The following ZNF69 variants were observed in gnomAD, a reference collection of about 807,000 sequenced individuals.
The protein encoded by ZNF69 is zinc finger protein 69, also known as ZNF3.
ZNF69 carries 47 observed loss-of-function variants against 50.9 expected under a neutral mutation model. The observed-to-expected ratio is 0.92, with a 90% CI of 0.73 to 1.18. The LOEUF (loss-of-function observed/expected upper bound fraction) is 1.18, where lower values mean the gene tolerates loss of function less well. Ranked by LOEUF, ZNF69 falls within the 50% of genes most tolerant of loss-of-function variation. The probability of loss-of-function intolerance (pLI) is 0.00; values close to 1 mark genes in which losing one functional copy is unlikely to be tolerated. For missense variants in ZNF69, 717 were observed against 675.1 expected (o/e 1.06, Z -0.69); for synonymous variants, 216 against 223.1 (o/e 0.97, Z 0.29).
chr19:11,977,088 G>A, the ZNF69 span: 4 of 1,614,106 alleles, frequency 2.5e-6, no homozygotes, highest in South Asian at 4.4e-5. Context: ...AGGAGGAGTG[G>A]GCTTTGCTGG....
At chr19:11,900,357 CTT>C (rs933407423) in intron 1 of ZNF69, among the ~76,000 whole-genome samples, 7 of 142,214 alleles carry the variant, frequency 4.9e-5, no homozygotes, top group Non-Finnish European at 7.7e-5. Context: ...AAAGATTGGG[CTT>C]TTTTTTTTTT....
chr19:11,973,335 A>C, the ZNF69 span, among the ~76,000 whole-genome samples: 23 of 152,318 alleles, frequency 1.5e-4, no homozygotes, highest in Non-Finnish European at 2.5e-4. Context: ...ATGTAAAAAT[A>C]TGCCTTGAAG....
the ZNF69 span, among the ~76,000 whole-genome samples, chr19:11,951,150 C>CAAAAA: frequency 1.5e-5 from 1 of 65,070 alleles, no homozygotes. Context: ...ACTCCATCTC[C>CAAAAA]AAAAAAAAAA....
At chr19:11,947,514 G>GA in the ZNF69 span, 4 of 1,610,214 alleles carry the variant, frequency 2.5e-6, no homozygotes, top group South Asian at 2.2e-5. Flanking sequence ...TGTATTTTAG[G>GA]AAAAAAATGG....
downstream of ZNF69, among the ~76,000 whole-genome samples, chr19:11,917,130 G>A (rs1254064262): frequency 2.0e-5 from 3 of 152,328 alleles, no homozygotes; most frequent in Admixed American, 6.5e-5. Context: ...AAGTGGGGCT[G>A]TGTTGGGTGA....
chr19:11,978,326 C>T, the ZNF69 span: 66 of 1,613,952 alleles, frequency 4.1e-5, no homozygotes, highest in East Asian at 8.9e-5. Flanking sequence ...ACAAGGCATA[C>T]GAGTATCAGG....
chr19:11,927,627 A>G, the ZNF69 span, among the ~76,000 whole-genome samples: 2 of 152,160 alleles, frequency 1.3e-5, no homozygotes, highest in Non-Finnish European at 2.9e-5. Flanking sequence ...CAGCATCACA[A>G]AATTTATTAC....
chr19:11,923,917 G>A, the ZNF69 span, among the ~76,000 whole-genome samples: 3 of 152,134 alleles, frequency 2.0e-5, no homozygotes, highest in Non-Finnish European at 4.4e-5. Flanking sequence ...TTCGCGGGCA[G>A]CCCACCCCCT....
chr19:11,948,889 A>G, the ZNF69 span: 2 of 1,600,812 alleles, frequency 1.2e-6, no homozygotes, highest in Non-Finnish European at 1.7e-6. Flanking sequence ...AGCATTTCAT[A>G]GTTCTAGTTC....
chr19:11,905,490 T>G lies in ZNF69; in HGVS notation c.1093T>G (p.Cys365Gly). The change falls in exon 4 of 4, where the codon TGT (cysteine) becomes GGT (glycine). Residue 365 changes from cysteine to glycine, a missense_variant. By Grantham distance (159) the Cys-to-Gly change is radical (BLOSUM62 -3). Coordinates refer to ENST00000429654, the MANE Select transcript of ZNF69 (RefSeq NM_001364730.1). ...AGAAAGACCTTATGAATGTAAGATA[T>G]GTGGGAAAGGCTTTTGTTCTGCCAA... Reference protein sequence around the residue: ...SGERPYECKICGKGFCSANSF... With the variant: ...SGERPYECKIGGKGFCSANSF... 1 of 1,614,164 alleles carries G rather than the reference T, an allele frequency of 6.2e-7. No individual in the cohort carries two copies. Among genetic ancestry groups the G allele is most frequent in the Non-Finnish European group, 8.5e-7 (1 of 1,180,028 alleles).
intron 1 of ZNF69, among the ~76,000 whole-genome samples, chr19:11,891,062 A>T (rs921370325): frequency 6.6e-6 from 1 of 152,148 alleles, no homozygotes; most frequent in African/African-American, 2.4e-5. Flanking sequence ...AGACCCCAAG[A>T]GAGTTCTTGG....
chr19:11,922,901 C>T, the ZNF69 span, among the ~76,000 whole-genome samples: 3 of 151,174 alleles, frequency 2.0e-5, no homozygotes, highest in African/African-American at 7.3e-5. Context: ...CAGCCTCAAA[C>T]TTTGGGGCTC....
At position 11,906,197 on chromosome 19, in the gene ZNF69, C is replaced by A; in HGVS notation, c.*99C>A. 10 of 1,541,182 alleles carry A rather than the reference C, an allele frequency of 6.5e-6. No homozygotes were observed. The highest frequency in any genetic ancestry group is 7.8e-6 in the Non-Finnish European group (9 of 1,151,754). ...AAAGAATGTGGGAAACCCTTCAGGT[C>A]TGCCCAGAACCTTCGAATTCAGTAA... On this transcript the variant is annotated 3_prime_UTR_variant, in exon 4 of 4. Transcript: ENST00000429654.
intron 1 of ZNF69, among the ~76,000 whole-genome samples, chr19:11,890,134 C>G (rs11669983): frequency 6.6e-6 from 1 of 152,086 alleles, no homozygotes; most frequent in African/African-American, 2.4e-5. Flanking sequence ...TTCCTCTTAT[C>G]TCAACTGCAA....
Position 11,905,529 on chromosome 19 carries a change from C to A in ZNF69, c.1132C>A (p.His378Asn). The stretch of plus-strand genomic sequence containing the variant: ...TTGTTCTGCCAATTCATTTCAAAGA[C>A]ATGAAAAAACTCACAGTGGAGAGAA... Reference protein sequence around the residue: ...GFCSANSFQRHEKTHSGEKPY... With the variant: ...GFCSANSFQRNEKTHSGEKPY... Residue 378 changes from histidine to asparagine, a missense_variant, in exon 4 of 4, where the codon CAT (histidine) becomes AAT (asparagine). Transcript: ENST00000429654. 1 of 1,613,740 alleles carries A rather than the reference C, an allele frequency of 6.2e-7. No individual in the cohort carries two copies. The highest frequency in any genetic ancestry group is 8.5e-7 in the Non-Finnish European group (1 of 1,179,926).
the ZNF69 span, among the ~76,000 whole-genome samples, chr19:11,955,505 CA>C: frequency 6.6e-6 from 1 of 151,786 alleles, no homozygotes; most frequent in Admixed American, 6.6e-5. Context: ...GCTATCCTTC[CA>C]CCTCAGCCTC....
At chr19:11,910,494 T>G (rs1474111323), downstream of ZNF69, among the ~76,000 whole-genome samples, 1 of 152,150 alleles carries the variant, frequency 6.6e-6, no homozygotes, top group South Asian at 2.1e-4. Context: ...TGGAACAGAA[T>G]AGAGCCCTCA....
chr19:11,948,593 G>A, the ZNF69 span: 1 of 1,608,192 alleles, frequency 6.2e-7, no homozygotes, highest in South Asian at 1.1e-5. Flanking sequence ...GATCACACTG[G>A]AGAGAAACCC....
At chr19:11,960,944 C>T in the ZNF69 span, among the ~76,000 whole-genome samples, 16 of 152,272 alleles carry the variant, frequency 1.1e-4, no homozygotes, top group African/African-American at 3.9e-4. Context: ...TATAGACTTC[C>T]ATTTGCCCCT....
Sources: allele counts gnomAD v4.1 joint callset (sites outside exome capture counted in the v4.1 genomes callset), GRCh38; gene constraint gnomAD v4.1.1; transcripts MANE v1.5; gene names NCBI Gene and HGNC (gene_info 2026-07-23, HGNC 2026-07-21).